ABCC4: variants seen among roughly 807,000 people sequenced by gnomAD.
The protein encoded by ABCC4 is ATP-binding cassette sub-family C member 4.
A neutral mutation model predicts 168.5 loss-of-function variants in ABCC4; 102 were observed. The observed-to-expected ratio is 0.61, with a 90% CI of 0.52 to 0.71. The LOEUF (loss-of-function observed/expected upper bound fraction) is 0.71. Ranked by LOEUF, ABCC4 falls within the 30% of genes least tolerant of loss-of-function variation. ABCC4 has a pLI of 0.00. For missense variants in ABCC4, 1,402 were observed against 1,605.8 expected, an observed-to-expected ratio of 0.87 and a Z score of 2.17; for synonymous variants, 617 against 590.7, an observed-to-expected ratio of 1.04 and a Z score of -0.65.
At chr13:95,232,168 A>G (rs2039641014) in intron 4 of ABCC4, among the ~76,000 whole-genome samples, 2 of 150,586 alleles carry the variant, frequency 1.3e-5, no homozygotes, top group Non-Finnish European at 1.5e-5. Context: ...ATGATGATGA[A>G]GACCCCTTGA....
At chr13:95,278,604 G>A (rs1235509256) in intron 1 of ABCC4, among the ~76,000 whole-genome samples, 1 of 152,010 alleles carries the variant, frequency 6.6e-6, no homozygotes, top group Non-Finnish European at 1.5e-5. Flanking sequence ...AAAGCAGCCT[G>A]TGCAACATGG....
chr13:95,160,240 T>G (rs1049500908), intron 19 of ABCC4, among the ~76,000 whole-genome samples: 1 of 152,180 alleles, frequency 6.6e-6, no homozygotes, highest in Non-Finnish European at 1.5e-5. Flanking sequence ...TGCTCTGGCC[T>G]TGGTCAAAAA....
chr13:95,047,951 C>A (rs1463333517), intron 27 of ABCC4, among the ~76,000 whole-genome samples: 2 of 152,128 alleles, frequency 1.3e-5, no homozygotes, highest in Non-Finnish European at 2.9e-5. Flanking sequence ...CTCTTGATGA[C>A]TGCTATAGCT....
At chr13:95,169,420 C>CT (rs2037391166) in intron 14 of ABCC4, among the ~76,000 whole-genome samples, 1 of 152,186 alleles carries the variant, frequency 6.6e-6, no homozygotes, top group Non-Finnish European at 1.5e-5. Context: ...CCAGTAGCCT[C>CT]TGTCCTAGTT....
At chr13:95,254,460 T>A (rs1245081758) in intron 1 of ABCC4, among the ~76,000 whole-genome samples, 1 of 152,186 alleles carries the variant, frequency 6.6e-6, no homozygotes, top group Non-Finnish European at 1.5e-5. Context: ...TCCTCTTGGG[T>A]GTCTGATAAG....
chr13:95,136,594 C>T (rs1357814717), intron 19 of ABCC4, among the ~76,000 whole-genome samples: 1 of 152,162 alleles, frequency 6.6e-6, no homozygotes, highest in Non-Finnish European at 1.5e-5. Context: ...CGGATGAATT[C>T]CACAAAGGAG....
In ABCC4 at chr13:95,049,648, TAAATAAATAAATAA is replaced by T. The variant is rs2076742925; in HGVS notation, c.3456+3433_3456+3446del. On this transcript the variant is annotated intron_variant, in intron 27 of 30. Transcript: ENST00000645237. ...AGAGTGAGACTCTGTCTCAAATAAATAAATAAATAAATAAAAATAAATAAATAAAAAAATAACCA... is the reference window on the plus strand; with the variant it reads ...AGAGTGAGACTCTGTCTCAAATAAATAAATAAATAAATAAAAAAATAACCA... 3.3e-5 allele frequency among the ~76,000 whole-genome samples: 5 copies of T among 150,760 alleles called. No individual in the cohort carries two copies. In the South Asian group the frequency reaches 6.3e-4, roughly 19 times the overall value.
intron 25 of ABCC4, among the ~76,000 whole-genome samples, chr13:95,066,720 TG>T (rs2033560771): frequency 6.6e-6 from 1 of 152,226 alleles, no homozygotes; most frequent in Non-Finnish European, 1.5e-5. Flanking sequence ...AGTGATGGAA[TG>T]GGACGGAAAC....
At chr13:95,126,120 C>A (rs2035751707) in intron 19 of ABCC4, among the ~76,000 whole-genome samples, 1 of 152,208 alleles carries the variant, frequency 6.6e-6, no homozygotes, top group Non-Finnish European at 1.5e-5. Context: ...TAAGAAATCA[C>A]CAATCTCTTG....
chr13:95,255,444 T>C (rs1459056769), intron 1 of ABCC4, among the ~76,000 whole-genome samples: 26 of 152,020 alleles, frequency 1.7e-4, no homozygotes. Flanking sequence ...CACCAGACAC[T>C]AAAGTTCAAC....
chr13:95,174,409 C>T (rs767359007), intron 13 of ABCC4, among the ~76,000 whole-genome samples: 2 of 152,232 alleles, frequency 1.3e-5, no homozygotes, highest in East Asian at 3.8e-4. Flanking sequence ...TTTTCTAACT[C>T]GTTGAGAACA....
intron 3 of ABCC4, among the ~76,000 whole-genome samples, chr13:95,246,374 T>C (rs541707519): frequency 6.6e-6 from 1 of 152,128 alleles, no homozygotes; most frequent in South Asian, 2.1e-4. Flanking sequence ...TGGGAGGGGG[T>C]AGCTCTTGGG....
At chr13:95,103,768 TCTCTAAA>T (rs1474906856) in intron 20 of ABCC4, among the ~76,000 whole-genome samples, 12 of 152,130 alleles carry the variant, frequency 7.9e-5, no homozygotes, top group Admixed American at 7.2e-4. Context: ...TCCACCCAAA[TCTCTAAA>T]CTCTAAATTC....
chr13:95,113,567 T>TAA lies in ABCC4; in HGVS notation c.2535+2353_2535+2354dup, dbSNP rs10719221. Among the ~76,000 whole-genome samples, 4 of 147,390 alleles carry TAA rather than the reference T, an allele frequency of 2.7e-5. No homozygotes were observed. In the East Asian group the frequency reaches 5.9e-4, roughly 22 times the overall value. ...TCCTTACAGAGAGGCCTAGGCAACTTAAAAAAAAAAAAAAAAAATTACATT... is the reference window on the plus strand; with the variant it reads ...TCCTTACAGAGAGGCCTAGGCAACTTAAAAAAAAAAAAAAAAAAAATTACATT... On this transcript the variant is annotated intron_variant, in intron 20 of 30. Coordinates refer to ENST00000645237, the MANE Select transcript of ABCC4 (RefSeq NM_005845.5).
chr13:95,260,473 A>G (rs571515108), intron 1 of ABCC4, among the ~76,000 whole-genome samples: 5 of 152,266 alleles, frequency 3.3e-5, no homozygotes, highest in African/African-American at 1.2e-4. Context: ...TCTGGGAACC[A>G]TCTGTACGGT....
intron 4 of ABCC4, among the ~76,000 whole-genome samples, chr13:95,222,723 A>T (rs2039342452): frequency 6.6e-6 from 1 of 152,234 alleles, no homozygotes; most frequent in African/African-American, 2.4e-5. Flanking sequence ...CACACCTGGC[A>T]TACGGTTGAA....
At chr13:95,260,164 C>T (rs2040495992) in intron 1 of ABCC4, among the ~76,000 whole-genome samples, 1 of 152,194 alleles carries the variant, frequency 6.6e-6, no homozygotes, top group Non-Finnish European at 1.5e-5. Flanking sequence ...ATACAGCTTG[C>T]TTTGACACAC....
intron 20 of ABCC4, among the ~76,000 whole-genome samples, chr13:95,097,592 C>CTT (rs56169430): frequency 0.2 from 16,051 of 82,170 alleles, 2,173 homozygotes; most frequent in East Asian, 0.24. Context: ...AATATACATT[C>CTT]TTTTTTTTTT....
At chr13:95,034,450 G>A (rs181104937) in intron 30 of ABCC4, among the ~76,000 whole-genome samples, 155 bp downstream of exon 30, 10 of 152,248 alleles carry the variant, frequency 6.6e-5, no homozygotes, top group East Asian at 1.9e-4. Context: ...ACTTCAACCC[G>A]GGACGTGCCG....
Sources: gnomAD v4.1 joint callset for allele counts (sites outside exome capture counted in the v4.1 genomes callset) on GRCh38, gnomAD v4.1.1 for gene constraint, MANE v1.5 for transcripts, NCBI Gene and HGNC (gene_info 2026-07-23, HGNC 2026-07-21) for gene names.